Variants in SORCS3 observed in about 807,000 individuals in gnomAD.
The protein encoded by SORCS3 is sortilin related VPS10 domain containing receptor 3.
A neutral mutation model predicts 146.3 loss-of-function variants in SORCS3; 57 were observed. The ratio of observed to expected loss-of-function variants is 0.39; its 90% CI spans 0.31 to 0.49. The LOEUF (loss-of-function observed/expected upper bound fraction) is 0.49, where lower values mean the gene tolerates loss of function less well. Among genes scored for constraint, SORCS3 ranks in the 20% least tolerant of loss-of-function variants. The pLI, the probability that SORCS3 is intolerant of heterozygous loss-of-function variation, is 0.92. For synonymous variants in SORCS3, 653 were observed against 618.5 expected (o/e 1.06, Z -0.83); for missense variants, 1,341 against 1,575.5 (o/e 0.85, Z 2.52).
intron 23 of SORCS3, among the ~76,000 whole-genome samples, chr10:105,254,830 T>C (rs964892379): frequency 2.0e-5 from 3 of 151,918 alleles, no homozygotes; most frequent in African/African-American, 7.3e-5. Flanking sequence ...CCTCTGTATA[T>C]GCAGGTTTCA....
intron 2 of SORCS3, among the ~76,000 whole-genome samples, chr10:104,899,146 A>T (rs907401523): frequency 1.3e-5 from 2 of 152,204 alleles, no homozygotes; most frequent in Admixed American, 1.3e-4. Flanking sequence ...AGCTTCCTAT[A>T]AAATGTAAGC....
At chr10:105,072,771 G>A (rs895304040) in intron 5 of SORCS3, among the ~76,000 whole-genome samples, 1 of 144,876 alleles carries the variant, frequency 6.9e-6, no homozygotes, top group African/African-American at 2.5e-5. Flanking sequence ...CAGATGATGT[G>A]TCTACAGCAG....
At chr10:104,856,880 T>G (rs2133557409) in intron 2 of SORCS3, among the ~76,000 whole-genome samples, 1 of 144,810 alleles carries the variant, frequency 6.9e-6, no homozygotes, top group Non-Finnish European at 1.5e-5. Context: ...TAGAGATATA[T>G]ATAGAGAGAA....
intron 1 of SORCS3, among the ~76,000 whole-genome samples, chr10:104,642,253 A>G (rs1014847427): frequency 5.9e-5 from 9 of 152,096 alleles, no homozygotes; most frequent in Admixed American, 5.9e-4. Context: ...TTTCTCCAAT[A>G]CTTGGCTTGG....
chr10:104,878,505 C>T (rs1487967844), intron 2 of SORCS3, among the ~76,000 whole-genome samples: 2 of 152,130 alleles, frequency 1.3e-5, no homozygotes, highest in African/African-American at 4.8e-5. Flanking sequence ...TGAGCTATTG[C>T]CTTCTGTGTT....
chr10:105,132,325 A>G (rs1185219656), intron 7 of SORCS3, among the ~76,000 whole-genome samples: 3 of 152,204 alleles, frequency 2.0e-5, no homozygotes, highest in Non-Finnish European at 2.9e-5. Context: ...AGTAATAATA[A>G]TTATTGTTGT....
chr10:105,155,387 T>TAGCA (rs2056200151), intron 9 of SORCS3, among the ~76,000 whole-genome samples: 1 of 152,108 alleles, frequency 6.6e-6, no homozygotes, highest in Non-Finnish European at 1.5e-5. Flanking sequence ...AAGAAGTGGA[T>TAGCA]AGCAAGGCCC....
In SORCS3 at chr10:104,818,245, A is replaced by G. The variant is rs145834753; in HGVS notation, c.628-24547A>G. 5.6e-3 allele frequency among the ~76,000 whole-genome samples: 856 copies of G among 152,246 alleles called. 15 individuals carry two copies. The highest frequency in any genetic ancestry group is 0.019 in the African/African-American group (794 of 41,538). ...TGACCCAACCTCTTGACAAAAGTGCATGTCTCCAGGAGTGTGTGTCTGACC... is the reference window on the plus strand; with the variant it reads ...TGACCCAACCTCTTGACAAAAGTGCGTGTCTCCAGGAGTGTGTGTCTGACC... On this transcript the variant is annotated intron_variant, in intron 1 of 26. Coordinates refer to ENST00000369701, the MANE Select transcript of SORCS3 (RefSeq NM_014978.3).
In SORCS3 at chr10:105,085,909, C is replaced by T. The variant is rs541503439; in HGVS notation, c.1029-3866C>T. Among the ~76,000 whole-genome samples, 3 of 152,230 alleles carry T rather than the reference C, an allele frequency of 2.0e-5. No homozygotes were observed. In the East Asian group the frequency reaches 5.8e-4, roughly 29 times the overall value. On this transcript the variant is annotated intron_variant, in intron 5 of 26. Transcript: ENST00000369701. Reference sequence around the variant, plus strand: ...TGTCTCTCTCTGTTTCTTTCTCTATCTCTGTGTGTTTCTGTTTCTCTCTGT... The same window carrying T: ...TGTCTCTCTCTGTTTCTTTCTCTATTTCTGTGTGTTTCTGTTTCTCTCTGT...
chr10:105,020,312 T>G (rs1227572176), intron 4 of SORCS3, among the ~76,000 whole-genome samples: 1 of 152,218 alleles, frequency 6.6e-6, no homozygotes, highest in African/African-American at 2.4e-5. Context: ...ATAGAATACT[T>G]TCTTCCAAAT....
chr10:104,720,389 G>A (rs1389670053), intron 1 of SORCS3, among the ~76,000 whole-genome samples: 1 of 152,096 alleles, frequency 6.6e-6, no homozygotes, highest in Non-Finnish European at 1.5e-5. Flanking sequence ...TTGGACATTT[G>A]GGTTGGTTCC....
At chr10:104,715,751 C>T (rs549589696) in intron 1 of SORCS3, among the ~76,000 whole-genome samples, 4 of 152,266 alleles carry the variant, frequency 2.6e-5, no homozygotes, top group African/African-American at 9.6e-5. Context: ...GTTCTTATCA[C>T]CTCCACTGGT....
At chr10:104,818,876 A>T (rs2017839768) in intron 1 of SORCS3, among the ~76,000 whole-genome samples, 1 of 152,096 alleles carries the variant, frequency 6.6e-6, no homozygotes, top group Non-Finnish European at 1.5e-5. Context: ...TAAGTACGGC[A>T]TGCATGACCG....
chr10:104,940,633 C>T (rs1268589788), intron 3 of SORCS3, among the ~76,000 whole-genome samples: 1 of 151,904 alleles, frequency 6.6e-6, no homozygotes, highest in Non-Finnish European at 1.5e-5. Flanking sequence ...TTTCTTAATC[C>T]ACTCTATCAT....
chr10:105,174,791 T>G (rs1038336386), intron 13 of SORCS3, among the ~76,000 whole-genome samples: 2 of 151,948 alleles, frequency 1.3e-5, no homozygotes, highest in African/African-American at 4.8e-5. Context: ...TGTGAACTCA[T>G]TTCATGTAGC....
intron 2 of SORCS3, among the ~76,000 whole-genome samples, chr10:104,878,723 G>A (rs1294491499): frequency 2.6e-5 from 4 of 152,190 alleles, no homozygotes; most frequent in African/African-American, 9.7e-5. Flanking sequence ...GGTTTGGAAT[G>A]TAAGTACATA....
At chr10:105,258,833 A>G (rs1282922201) in intron 25 of SORCS3, among the ~76,000 whole-genome samples, 1 of 152,190 alleles carries the variant, frequency 6.6e-6, no homozygotes, top group East Asian at 1.9e-4. Flanking sequence ...AGCTGAGGCC[A>G]CAGGAAATAA....
intron 14 of SORCS3, among the ~76,000 whole-genome samples, chr10:105,185,964 C>T (rs1220862378): frequency 6.6e-6 from 1 of 152,162 alleles, no homozygotes; most frequent in Non-Finnish European, 1.5e-5. Context: ...CTGGTCCAGG[C>T]ACTTTTCGTG....
intron 2 of SORCS3, among the ~76,000 whole-genome samples, chr10:104,888,079 T>A (rs61867321): frequency 0.36 from 55,089 of 151,000 alleles, 13,097 homozygotes; most frequent in African/African-American, 0.68. Flanking sequence ...GCTCTCCCCT[T>A]GGACCTCTTT....
Sources: gnomAD v4.1 joint callset for allele counts (sites outside exome capture counted in the v4.1 genomes callset) on GRCh38, gnomAD v4.1.1 for gene constraint, MANE v1.5 for transcripts, NCBI Gene and HGNC (gene_info 2026-07-23, HGNC 2026-07-21) for gene names.